Variants in DNAJC3 observed in about 807,000 individuals in gnomAD.
DNAJC3 encodes dnaJ homolog subfamily C member 3.
DNAJC3 carries 38 observed loss-of-function variants against 68.6 expected under a neutral mutation model. The observed-to-expected ratio is 0.55, with a 90% CI of 0.43 to 0.73. The LOEUF (loss-of-function observed/expected upper bound fraction) is 0.73, where lower values mean the gene tolerates loss of function less well. Among genes scored for constraint, DNAJC3 ranks in the 30% least tolerant of loss-of-function variants. The probability of loss-of-function intolerance (pLI) is 0.00; values close to 1 mark genes in which losing one functional copy is unlikely to be tolerated. For missense variants in DNAJC3, 526 were observed against 591.9 expected, an observed-to-expected ratio of 0.89 and a Z score of 1.16; for synonymous variants, 203 against 204.0, an observed-to-expected ratio of 1.00 and a Z score of 0.04.
At chr13:95,703,789 A>G (rs1331678953) in intron 1 of DNAJC3, among the ~76,000 whole-genome samples, 1 of 150,934 alleles carries the variant, frequency 6.6e-6, no homozygotes, top group African/African-American at 2.4e-5. Context: ...TCCCTGTTCT[A>G]TAGCTCTCTT....
At chr13:95,711,205 A>G (rs551592829) in intron 2 of DNAJC3, among the ~76,000 whole-genome samples, 189 of 152,106 alleles carry the variant, frequency 1.2e-3, no homozygotes, top group African/African-American at 4.1e-3. Context: ...TTGATGAAAA[A>G]ACTCTATTCA....
intron 4 of DNAJC3, among the ~76,000 whole-genome samples, chr13:95,736,929 C>T (rs987036041): frequency 2.0e-5 from 3 of 149,916 alleles, no homozygotes; most frequent in African/African-American, 7.5e-5. Context: ...CCAGTTTTTG[C>T]CCATTCAGTA....
intron 4 of DNAJC3, among the ~76,000 whole-genome samples, chr13:95,730,360 A>G (rs1881672117): frequency 6.6e-6 from 1 of 152,056 alleles, no homozygotes; most frequent in South Asian, 2.1e-4. Context: ...TGCTTTTGAG[A>G]TCTTGGCCAT....
chr13:95,696,084 C>G (rs1006392756), intron 1 of DNAJC3, among the ~76,000 whole-genome samples: 4 of 152,130 alleles, frequency 2.6e-5, no homozygotes, highest in African/African-American at 9.7e-5. Context: ...ACTAACAATC[C>G]CTTAATCAAC....
chr13:95,784,395 A>T (rs931142919), intron 9 of DNAJC3, among the ~76,000 whole-genome samples: 1 of 152,176 alleles, frequency 6.6e-6, no homozygotes, highest in Non-Finnish European at 1.5e-5. Context: ...TCTGGAGGAA[A>T]CCAGGCAGAA....
intron 1 of DNAJC3, among the ~76,000 whole-genome samples, chr13:95,687,569 G>GT (rs553404363): frequency 2.4e-4 from 36 of 152,206 alleles, no homozygotes; most frequent in Middle Eastern, 3.4e-3. Context: ...CTAGCTAGCA[G>GT]TTTATCAATT....
chr13:95,769,379 C>A (rs1450990555), intron 9 of DNAJC3, among the ~76,000 whole-genome samples: 2 of 152,074 alleles, frequency 1.3e-5, no homozygotes, highest in African/African-American at 4.8e-5. Flanking sequence ...ATGTGGAGGA[C>A]AAGGGGTAGA....
At chr13:95,763,512 A>G in intron 7 of DNAJC3, 131 bp from the exon 8 acceptor site, 1 of 764,266 alleles carries the variant, frequency 1.3e-6, no homozygotes, top group Non-Finnish European at 2.1e-6. Context: ...ATAAGGGAAA[A>G]GCCGAATCTG....
At chr13:95,757,560 T>A (rs1882699099) in intron 4 of DNAJC3, 84 bp from the exon 5 acceptor site, 2 of 1,313,048 alleles carry the variant, frequency 1.5e-6, no homozygotes, top group African/African-American at 2.9e-5. Context: ...ACTTAAGTAT[T>A]TGGAATGGTT....
rs560083904 is a variant in DNAJC3, at chr13:95,793,548, G to A, written c.*2518G>A. ...TCTGTTGCCCAGGCTGGAGTGCAGG[G>A]ACACCTCCCGGGTTCAAGCAGTTCT... is the stretch of plus-strand genomic sequence containing the variant. On this transcript the variant is annotated 3_prime_UTR_variant, in exon 12 of 12. Coordinates refer to ENST00000602402, the MANE Select transcript of DNAJC3 (RefSeq NM_006260.5). 1.3e-5 allele frequency: 2 copies of A among 148,776 alleles called. No homozygotes were observed. The highest frequency in any genetic ancestry group is 4.3e-4 in the South Asian group (2 of 4,672). 9.2% of individuals were successfully genotyped at this position (148,776 alleles called of 1,614,324 possible). A position where few individuals can be genotyped will look rare whatever the true frequency, so the allele number is the denominator to read the frequency against.
intron 4 of DNAJC3, among the ~76,000 whole-genome samples, chr13:95,733,464 T>C (rs1420018617): frequency 6.6e-6 from 1 of 152,170 alleles, no homozygotes; most frequent in Non-Finnish European, 1.5e-5. Context: ...CAATCTCAGC[T>C]CACTGCAACC....
intron 11 of DNAJC3, among the ~76,000 whole-genome samples, chr13:95,788,258 G>A (rs1414137689): frequency 9.9e-5 from 15 of 152,236 alleles, no homozygotes; most frequent in Admixed American, 9.8e-4. Flanking sequence ...GCTACAACCT[G>A]CCTTAAGCAG....
chr13:95,698,602 A>G (rs773686131), intron 1 of DNAJC3, among the ~76,000 whole-genome samples: 1 of 152,166 alleles, frequency 6.6e-6, no homozygotes, highest in Non-Finnish European at 1.5e-5. Context: ...GCAGATGCAC[A>G]GTGTTGTCTG....
At chr13:95,744,773 A>G (rs1437174996) in intron 4 of DNAJC3, 1 of 152,232 alleles carries the variant, frequency 6.6e-6, no homozygotes. Flanking sequence ...AAAGAATATT[A>G]TCAGGCAGGT....
At chr13:95,765,955 C>A (rs17880017) in intron 9 of DNAJC3, among the ~76,000 whole-genome samples, 2,273 of 152,134 alleles carry the variant, frequency 0.015, 60 homozygotes, top group African/African-American at 0.052. Context: ...CAGCTGTCTA[C>A]ATTTGCAAAA....
chr13:95,764,645 C>CAT (rs755441205), intron 9 of DNAJC3, among the ~76,000 whole-genome samples: 5,095 of 56,198 alleles, frequency 0.091, 212 homozygotes, highest in Middle Eastern at 0.16. Flanking sequence ...AAATAGAATC[C>CAT]ATATATATAT....
At chr13:95,764,982 C>G (rs1327532394) in intron 9 of DNAJC3, among the ~76,000 whole-genome samples, 4 of 151,796 alleles carry the variant, frequency 2.6e-5, no homozygotes, top group Non-Finnish European at 4.4e-5. Flanking sequence ...CTTTTTAAGG[C>G]AAAACTGGTC....
chr13:95,786,425 A>G (rs372689951), intron 10 of DNAJC3, among the ~76,000 whole-genome samples: 18 of 152,292 alleles, frequency 1.2e-4, no homozygotes, highest in Middle Eastern at 3.4e-3. Context: ...AGCCTTCTCT[A>G]GGCCTAAAAA....
intron 2 of DNAJC3, among the ~76,000 whole-genome samples, chr13:95,718,796 G>C (rs1342456797): frequency 2.0e-5 from 3 of 152,190 alleles, no homozygotes; most frequent in Non-Finnish European, 2.9e-5. Context: ...TCCCCGTGCA[G>C]AATTCTTCTG....
Sources: allele counts gnomAD v4.1 joint callset (sites outside exome capture counted in the v4.1 genomes callset), GRCh38; gene constraint gnomAD v4.1.1; transcripts MANE v1.5; gene names NCBI Gene and HGNC (gene_info 2026-07-23, HGNC 2026-07-21).